SYT1: variants seen among roughly 807,000 people sequenced by gnomAD.
SYT1 encodes the protein synaptotagmin-1.
Under a neutral mutation model 44.8 loss-of-function variants are expected in SYT1, and 8 were observed. The ratio of observed to expected loss-of-function variants is 0.18; its 90% CI spans 0.10 to 0.32. The LOEUF (loss-of-function observed/expected upper bound fraction) is 0.32. Among genes scored for constraint, SYT1 ranks in the 10% least tolerant of loss-of-function variants. The pLI is 1.00. For missense variants in SYT1, 286 were observed against 509.3 expected (o/e 0.56, Z 4.22); for synonymous variants, 154 against 188.8 (o/e 0.82, Z 1.51).
chr12:79,253,491 C>CTCTCTCTCTCTCTCTCTCTA (rs1303654317), intron 4 of SYT1, among the ~76,000 whole-genome samples: 2 of 140,248 alleles, frequency 1.4e-5, no homozygotes, highest in Non-Finnish European at 3.1e-5. Context: ...CAGTCTCTCT[C>CTCTCTCTCTCTCTCTCTCTA]TCTCTCTCTC....
At chr12:79,363,664 G>C (rs1526948) in intron 9 of SYT1, among the ~76,000 whole-genome samples, 33,647 of 151,516 alleles carry the variant, frequency 0.22, 5,251 homozygotes, top group African/African-American at 0.44. Flanking sequence ...AAGCCCAGGA[G>C]GTCAAGGCTG....
intron 1 of SYT1, among the ~76,000 whole-genome samples, chr12:78,936,635 T>C (rs1565726754): frequency 1.3e-5 from 2 of 152,286 alleles, no homozygotes. Flanking sequence ...TTTCTTAGTA[T>C]ATGTAGACTA....
intron 2 of SYT1, among the ~76,000 whole-genome samples, chr12:79,013,898 C>G (rs531722237): frequency 6.6e-6 from 1 of 151,862 alleles, no homozygotes; most frequent in Admixed American, 6.6e-5. Flanking sequence ...GAGGCCAAGG[C>G]GGGCAGATAA....
chr12:78,969,805 C>T (rs919651250), intron 1 of SYT1, among the ~76,000 whole-genome samples: 7 of 152,102 alleles, frequency 4.6e-5, no homozygotes, highest in Admixed American at 2.0e-4. Context: ...ATCAGTCTTG[C>T]ATTTTGAGTA....
chr12:79,392,703 T>C (rs1301659669), intron 9 of SYT1: 3 of 149,670 alleles, frequency 2.0e-5, no homozygotes, highest in Non-Finnish European at 3.0e-5. Flanking sequence ...GTCCAGTTAA[T>C]AAAGAAAACT....
At chr12:79,347,091 A>T (rs1882645788) in intron 8 of SYT1, among the ~76,000 whole-genome samples, 1 of 148,526 alleles carries the variant, frequency 6.7e-6, no homozygotes, top group Admixed American at 6.7e-5. Flanking sequence ...GTTAGGAGTA[A>T]TTTGATTAGG....
At chr12:79,237,287 G>T (rs1413946302) in intron 4 of SYT1, among the ~76,000 whole-genome samples, 4 of 152,146 alleles carry the variant, frequency 2.6e-5, no homozygotes, top group African/African-American at 9.7e-5. Flanking sequence ...AGAAAGAGTT[G>T]GGCATTAGAA....
At chr12:79,210,198 C>T (rs972562798) in intron 3 of SYT1, among the ~76,000 whole-genome samples, 15 of 152,040 alleles carry the variant, frequency 9.9e-5, no homozygotes, top group Non-Finnish European at 2.1e-4. Context: ...CAATCAAAAT[C>T]CTGATTTTCC....
chr12:79,358,983 T>G (rs1883219223), intron 9 of SYT1, among the ~76,000 whole-genome samples: 2 of 152,192 alleles, frequency 1.3e-5, no homozygotes, highest in Non-Finnish European at 2.9e-5. Context: ...TCTGGCAGAT[T>G]CCTCTTCTTG....
At chr12:79,071,632 T>C (rs1876284001) in intron 3 of SYT1, among the ~76,000 whole-genome samples, 1 of 152,184 alleles carries the variant, frequency 6.6e-6, no homozygotes, top group Non-Finnish European at 1.5e-5. Context: ...CAGGCAGTGC[T>C]TCCTCTGAAC....
At chr12:79,442,398 G>A (rs182554078) in intron 9 of SYT1, among the ~76,000 whole-genome samples, 1 of 152,148 alleles carries the variant, frequency 6.6e-6, no homozygotes, top group East Asian at 1.9e-4. Flanking sequence ...CAACTCTTTA[G>A]TTTGTGGAGT....
intron 1 of SYT1, among the ~76,000 whole-genome samples, chr12:78,875,948 T>C (rs566231185): frequency 1.3e-5 from 2 of 151,816 alleles, no homozygotes; most frequent in East Asian, 3.9e-4. Flanking sequence ...CCCTTTCCCC[T>C]CATTTCTAAA....
At chr12:79,433,964 A>G (rs1172549517) in intron 9 of SYT1, among the ~76,000 whole-genome samples, 1 of 152,194 alleles carries the variant, frequency 6.6e-6, no homozygotes, top group Non-Finnish European at 1.5e-5. Context: ...GCTTTTGTAT[A>G]TGCATCCCTA....
intron 1 of SYT1, among the ~76,000 whole-genome samples, chr12:78,969,741 C>T (rs1439114768): frequency 2.0e-5 from 3 of 152,142 alleles, no homozygotes; most frequent in African/African-American, 7.2e-5. Context: ...CGTAAGTTAT[C>T]ATCAGAGCAA....
At chr12:78,874,844 G>A (rs1369809119) in intron 1 of SYT1, among the ~76,000 whole-genome samples, 1 of 151,620 alleles carries the variant, frequency 6.6e-6, no homozygotes, top group African/African-American at 2.4e-5. Flanking sequence ...CTACCTATAA[G>A]AGGATATTGG....
Position 79,364,332 on chromosome 12 carries a change from C to T in SYT1, c.928+10713C>T, listed in dbSNP as rs74705655. On this transcript the variant is annotated intron_variant, in intron 9 of 10. Transcript: ENST00000261205. ...ACACATTACTGTAGTTATACCTCAA[C>T]GACAGTCATAAAGGCATTTTCAAGG... 2.5e-4 allele frequency among the ~76,000 whole-genome samples: 37 copies of T among 150,812 alleles called. No individual in the cohort carries two copies. In the East Asian group the frequency reaches 5.7e-3, roughly 23 times the overall value.
At chr12:79,254,726 A>G (rs1473167392) in intron 4 of SYT1, among the ~76,000 whole-genome samples, 2 of 152,228 alleles carry the variant, frequency 1.3e-5, no homozygotes, top group Non-Finnish European at 2.9e-5. Flanking sequence ...CAAAATATCA[A>G]CATTAACAGG....
At chr12:79,311,059 G>C (rs1880758690) in intron 8 of SYT1, among the ~76,000 whole-genome samples, 1 of 152,238 alleles carries the variant, frequency 6.6e-6, no homozygotes, top group Non-Finnish European at 1.5e-5. Context: ...ATATTGAATA[G>C]GAGTGGTGAG....
Position 79,246,402 on chromosome 12 carries a change from T to A in SYT1, c.166+28717T>A, listed in dbSNP as rs187313129. Among the ~76,000 whole-genome samples, 546 of 152,338 alleles carry A rather than the reference T, an allele frequency of 3.6e-3. 2 individuals are homozygous for A. The Middle Eastern group carries it at 0.037, about 10-fold the overall frequency. On this transcript the variant is annotated intron_variant, in intron 4 of 10. Transcript: ENST00000261205. ...CTTTCTCTGGATTTCCACTTTTTTT[T>A]AACTTTTGCCTCTGTCTTAGTCCAT...
Sources: gnomAD v4.1 joint callset for allele counts (sites outside exome capture counted in the v4.1 genomes callset) on GRCh38, gnomAD v4.1.1 for gene constraint, MANE v1.5 for transcripts, NCBI Gene and HGNC (gene_info 2026-07-23, HGNC 2026-07-21) for gene names.